Variants in TMEM230 observed in about 807,000 individuals in gnomAD.
TMEM230 encodes the protein transmembrane protein 230.
Under a neutral mutation model 15.8 loss-of-function variants are expected in TMEM230, and 10 were observed. The observed-to-expected ratio is 0.63, with a 90% CI of 0.39 to 1.07. The LOEUF (loss-of-function observed/expected upper bound fraction) is 1.07. Ranked by LOEUF, TMEM230 falls within the 50% of genes least tolerant of loss-of-function variation. The probability of loss-of-function intolerance (pLI) is 0.01; values close to 1 mark genes in which losing one functional copy is unlikely to be tolerated. For missense variants in TMEM230, 165 were observed against 193.3 expected (o/e 0.85, Z 0.87); for synonymous variants, 67 against 76.9 (o/e 0.87, Z 0.68).
chr20:5,107,677 G>T (rs1021309204), intron 3 of TMEM230, among the ~76,000 whole-genome samples: 4 of 152,088 alleles, frequency 2.6e-5, no homozygotes, highest in African/African-American at 9.7e-5. Context: ...AGCTGGGTGT[G>T]GTGGCACATG....
intron 3 of TMEM230, among the ~76,000 whole-genome samples, chr20:5,092,475 T>C (rs1453602677): frequency 6.6e-6 from 1 of 152,114 alleles, no homozygotes; most frequent in African/African-American, 2.4e-5. Flanking sequence ...CCCTGCACTT[T>C]GGGAGGCCGA....
At chr20:5,071,318 T>A (rs1004694237) in intron 3 of TMEM230, among the ~76,000 whole-genome samples, 2 of 151,622 alleles carry the variant, frequency 1.3e-5, no homozygotes, top group African/African-American at 4.8e-5. Context: ...GGAGCATGAA[T>A]ATGCATGTAA....
intron 3 of TMEM230, among the ~76,000 whole-genome samples, chr20:5,079,936 G>T (rs2089130691): frequency 6.6e-6 from 1 of 151,922 alleles, no homozygotes; most frequent in Non-Finnish European, 1.5e-5. Flanking sequence ...TGTATTTTTA[G>T]TTTAAAAAAC....
intron 4 of TMEM230, among the ~76,000 whole-genome samples, chr20:5,101,925 CAT>C (rs2089884694): frequency 6.6e-6 from 1 of 152,242 alleles, no homozygotes; most frequent in South Asian, 2.1e-4. Flanking sequence ...TGACCCCACA[CAT>C]ATAACAGAAT....
chr20:5,100,269 T>C lies in TMEM230; in HGVS notation c.*522A>G. 4 of 985,552 alleles carry C rather than the reference T, an allele frequency of 4.1e-6. No individual in the cohort carries two copies. Among genetic ancestry groups the C allele is most frequent in the Non-Finnish European group, 4.8e-6 (4 of 830,006 alleles). 61.1% of individuals were successfully genotyped at this position (985,552 alleles called of 1,614,324 possible). On this transcript the variant is annotated 3_prime_UTR_variant, in exon 5 of 5. Coordinates refer to ENST00000342308, the MANE Select transcript of TMEM230 (RefSeq NM_001009923.2). ...GCAGGATAAAAAAATTCCTGGTTGC[T>C]GTCAGTAAGAAAGCAAGTAAAAAAA...
At chr20:5,095,288 C>G (rs1307821886), downstream of TMEM230, among the ~76,000 whole-genome samples, 1 of 152,144 alleles carries the variant, frequency 6.6e-6, no homozygotes, top group Non-Finnish European at 1.5e-5. Flanking sequence ...CCTGAGGCAC[C>G]AGGCCTGCCT....
At chr20:5,071,600 G>A (rs190208104) in intron 3 of TMEM230, among the ~76,000 whole-genome samples, 39 of 141,380 alleles carry the variant, frequency 2.8e-4, no homozygotes, top group African/African-American at 1.0e-3. Flanking sequence ...TCCAGCCTGG[G>A]TAACAAGAGC....
At chr20:5,081,476 T>G (rs2089172764) in intron 3 of TMEM230, among the ~76,000 whole-genome samples, 1 of 152,140 alleles carries the variant, frequency 6.6e-6, no homozygotes, top group African/African-American at 2.4e-5. Context: ...GCAGAACAAT[T>G]TGATGTGTGT....
intron 4 of TMEM230, among the ~76,000 whole-genome samples, chr20:5,101,171 T>A (rs1303087609): frequency 6.6e-6 from 1 of 152,098 alleles, no homozygotes; most frequent in Non-Finnish European, 1.5e-5. Flanking sequence ...CTTCTTTTCC[T>A]TTTTTTAAAG....
downstream of TMEM230, chr20:5,067,406 G>A (rs1370737627): frequency 2.0e-4 from 19 of 97,284 alleles, no homozygotes; most frequent in South Asian, 6.0e-3. Context: ...ACAGTGTTTA[G>A]GCTCATATAT....
intron 3 of TMEM230, among the ~76,000 whole-genome samples, chr20:5,078,649 G>A (rs929005833): frequency 1.3e-5 from 2 of 152,168 alleles, no homozygotes; most frequent in Admixed American, 1.3e-4. Flanking sequence ...TGAAACTGGC[G>A]GTTAGAGCCG....
chr20:5,076,433 C>T (rs2088997621), intron 3 of TMEM230, among the ~76,000 whole-genome samples: 1 of 151,180 alleles, frequency 6.6e-6, no homozygotes, highest in South Asian at 2.1e-4. Context: ...CCCAGCTACT[C>T]GGGAGGCTGA....
chr20:5,062,607 CA>C, the TMEM230 span, among the ~76,000 whole-genome samples: 1 of 151,590 alleles, frequency 6.6e-6, no homozygotes, highest in African/African-American at 2.4e-5. Context: ...AACAAAAATA[CA>C]AAAAATTAGC....
At position 5,088,308 on chromosome 20, in the gene TMEM230, CAAA is replaced by C. The variant is rs777211538; in HGVS notation, c.222+17877_222+17879del. Among the ~76,000 whole-genome samples the C allele has an allele frequency of 1.9e-3, 99 of 51,126 alleles. 2 individuals are homozygous for C. The South Asian group carries it at 0.04, about 21-fold the overall frequency. The allele number at this position is 51,126 out of a possible 152,430, so 33.5% of individuals were successfully genotyped here. ...TGGGCAACGGAGGGAGACTCTGTCT[CAAA>C]AAAAAAAAAAAAAAAAAGGTTTCAA... On this transcript the variant is annotated intron_variant, in intron 3 of 3. Transcript: ENST00000612323.
Position 5,106,259 on chromosome 20 carries a change from C to T in TMEM230, c.340G>A (p.Val114Met), listed in dbSNP as rs2090087713. 2.5e-6 allele frequency: 4 copies of T among 1,614,040 alleles called. No individual in the cohort carries two copies. Among genetic ancestry groups the T allele is most frequent in the South Asian group, 1.1e-5 (1 of 91,078 alleles). ...AGAAAGGCGCCAATCAAAAACAGCA[C>T]AGTGGCAAGTGCGATGGCCTTATAA... Residue 114 changes from valine to methionine, a missense_variant, in exon 4 of 5, where the codon GTG becomes ATG. Transcript: ENST00000342308.
exon 4 of TMEM230, chr20:5,069,303 T>C: frequency 1.3e-6 from 2 of 1,536,014 alleles, no homozygotes; most frequent in African/African-American, 1.4e-5. Context: ...TGCTGGTAGA[T>C]GTTTGTGGTC....
In TMEM230 at chr20:5,085,722, T is replaced by C. The variant is rs145761547; in HGVS notation, c.223-16373A>G. On this transcript the variant is annotated intron_variant, in intron 3 of 3. Coordinates refer to the TMEM230 transcript ENST00000612323. ...CCAGACAAAAAAAAGCCATACTTTA[T>C]TTGGGCTTATTTACCAGATTTAGAT... Among the ~76,000 whole-genome samples, 805 of 152,304 alleles carry C rather than the reference T, an allele frequency of 5.3e-3. 6 individuals are homozygous for C. Among genetic ancestry groups the C allele is most frequent in the African/African-American group, 0.018 (754 of 41,566 alleles).
At chr20:5,112,637 C>T in intron 1 of TMEM230, 2 of 1,283,796 alleles carry the variant, frequency 1.6e-6, no homozygotes, top group Admixed American at 3.8e-5. Flanking sequence ...ACCGCTACCC[C>T]CAAACTCCCT....
chr20:5,099,844 C>T (rs3171349), downstream of TMEM230: 1 of 958,676 alleles, frequency 1.0e-6, no homozygotes, highest in Non-Finnish European at 1.2e-6. Context: ...AAAATGTTTT[C>T]TGAAATGTTT....
Sources: gnomAD v4.1 joint callset for allele counts (sites outside exome capture counted in the v4.1 genomes callset) on GRCh38, gnomAD v4.1.1 for gene constraint, MANE v1.5 for transcripts, NCBI Gene and HGNC (gene_info 2026-07-23, HGNC 2026-07-21) for gene names.